Variants in MAD1L1 observed in about 807,000 individuals in gnomAD.
MAD1L1 encodes the protein mitotic spindle assembly checkpoint protein MAD1.
MAD1L1 carries 95 observed loss-of-function variants against 96.9 expected under a neutral mutation model. That is an observed-to-expected ratio of 0.98 (90% CI 0.83 to 1.16). MAD1L1 has a LOEUF of 1.16. Ranked by LOEUF, MAD1L1 falls within the 50% of genes most tolerant of loss-of-function variation. MAD1L1 has a pLI of 0.00. For missense variants in MAD1L1, 1,007 were observed against 954.4 expected (o/e 1.06, Z -0.73); for synonymous variants, 473 against 396.6 (o/e 1.19, Z -2.29).
chr7:2,083,307 G>A lies in MAD1L1; in HGVS notation c.1074-13969C>T, dbSNP rs78322106. 3.1e-3 allele frequency among the ~76,000 whole-genome samples: 472 copies of A among 152,136 alleles called. 1 individual carries two copies. Among genetic ancestry groups the A allele is most frequent in the Middle Eastern group, 6.8e-3 (2 of 294 alleles). On this transcript the variant is annotated intron_variant, in intron 11 of 18. Coordinates refer to ENST00000265854, the MANE Select transcript of MAD1L1 (RefSeq NM_001013836.2). ...GAACCTCGCTTCCTCCGTGCCGGGCGGGGGGCTTGGAGGGCTGACACTTGA... is the reference window on the plus strand; with the variant it reads ...GAACCTCGCTTCCTCCGTGCCGGGCAGGGGGCTTGGAGGGCTGACACTTGA...
intron 10 of MAD1L1, among the ~76,000 whole-genome samples, chr7:2,194,118 G>C (rs115741490): frequency 5.3e-5 from 8 of 151,514 alleles, no homozygotes; most frequent in Admixed American, 2.0e-4. Context: ...TAATTTTTTT[G>C]TGTGTGTGTG....
chr7:2,101,354 G>C (rs1302201021), intron 11 of MAD1L1, among the ~76,000 whole-genome samples: 5 of 105,632 alleles, frequency 4.7e-5, no homozygotes, highest in Non-Finnish European at 4.0e-5. Flanking sequence ...TCTCCATCCA[G>C]GTGGGTGGCA....
At position 1,929,143 on chromosome 7, in the gene MAD1L1, C is replaced by T. The variant is rs115150840; in HGVS notation, c.1807+7544G>A. On this transcript the variant is annotated intron_variant, in intron 17 of 18. Transcript: ENST00000265854. ...GAGCAACTCTGTGGCCAACCATCTT[C>T]CCCTCCCTCCTCCCCTCCCGGGCCT... Among the ~76,000 whole-genome samples, 1,086 of 152,156 alleles carry T rather than the reference C, an allele frequency of 7.1e-3. 13 individuals are homozygous for T. The highest frequency in any genetic ancestry group is 0.025 in the African/African-American group (1,042 of 41,494).
chr7:2,222,775 A>G (rs1793679173), intron 4 of MAD1L1, 21 bp from the exon 5 acceptor site: 1 of 1,563,220 alleles, frequency 6.4e-7, no homozygotes, highest in African/African-American at 1.4e-5. Flanking sequence ...AGCAAGAGTC[A>G]GATGCCACGT....
chr7:2,225,747 G>T (rs1414635278), intron 3 of MAD1L1, 197 bp from the exon 4 acceptor site: 7 of 611,400 alleles, frequency 1.1e-5, no homozygotes, highest in Non-Finnish European at 5.7e-6. Flanking sequence ...AAAAGCCTGG[G>T]AAGAGGAAGA....
chr7:1,972,299 T>C, intron 15 of MAD1L1, among the ~76,000 whole-genome samples: 1 of 152,240 alleles, frequency 6.6e-6, no homozygotes. Flanking sequence ...ATTAACTGTT[T>C]GGTAGATTTC....
chr7:2,175,634 C>T (rs1427066764), intron 10 of MAD1L1, among the ~76,000 whole-genome samples: 1 of 151,988 alleles, frequency 6.6e-6, no homozygotes, highest in Non-Finnish European at 1.5e-5. Context: ...TGGCAACATA[C>T]TTTTCTATTT....
intron 18 of MAD1L1, among the ~76,000 whole-genome samples, chr7:1,818,392 AT>A (rs952751109): frequency 6.6e-6 from 1 of 151,060 alleles, no homozygotes; most frequent in Non-Finnish European, 1.5e-5. Flanking sequence ...TTCTAAAAAT[AT>A]TTTTTTTTAG....
intron 11 of MAD1L1, among the ~76,000 whole-genome samples, chr7:2,105,771 G>A (rs35876604): frequency 0.19 from 28,973 of 151,862 alleles, 3,039 homozygotes; most frequent in Middle Eastern, 0.34. Context: ...CACGTGAGAC[G>A]CCCAGCCAAA....
At chr7:2,212,916 T>C (rs893020262) in intron 10 of MAD1L1, among the ~76,000 whole-genome samples, 5 of 151,898 alleles carry the variant, frequency 3.3e-5, no homozygotes, top group Non-Finnish European at 7.4e-5. Flanking sequence ...CCAAAAAGAG[T>C]CCTTTCACAA....
chr7:2,076,094 G>A (rs914357497), intron 11 of MAD1L1, among the ~76,000 whole-genome samples: 8 of 152,224 alleles, frequency 5.3e-5, no homozygotes, highest in South Asian at 2.1e-4. Context: ...GGTATGAGGC[G>A]GCTGTTCCCG....
At chr7:1,975,427 A>T (rs1245639380) in intron 15 of MAD1L1, among the ~76,000 whole-genome samples, 1 of 152,176 alleles carries the variant, frequency 6.6e-6, no homozygotes, top group Non-Finnish European at 1.5e-5. Flanking sequence ...AACAGGACAG[A>T]ACCAGGGAAA....
chr7:2,088,255 C>T lies in MAD1L1; in HGVS notation c.1074-18917G>A, dbSNP rs1294641742. On this transcript the variant is annotated intron_variant, in intron 11 of 18. Transcript: ENST00000265854. This position sits in a 1 kb window ranked among gnomAD's most constrained non-coding sequence, Gnocchi z 4.4. Reference sequence around the variant, plus strand: ...CCTCACACCCCTGCCTGAAACCTGCCGACGGGCCTGTTGCCGCTGGAACAC... The same window carrying T: ...CCTCACACCCCTGCCTGAAACCTGCTGACGGGCCTGTTGCCGCTGGAACAC... 4.6e-5 allele frequency among the ~76,000 whole-genome samples: 7 copies of T among 152,318 alleles called. No homozygotes were observed. The highest frequency in any genetic ancestry group is 7.3e-5 in the Non-Finnish European group (5 of 68,034).
intron 14 of MAD1L1, among the ~76,000 whole-genome samples, chr7:1,994,830 G>A (rs1237057840): frequency 6.6e-6 from 1 of 152,228 alleles, no homozygotes; most frequent in Non-Finnish European, 1.5e-5. Flanking sequence ...ACAAATGTCT[G>A]CAAGGGTTTT....
At chr7:2,084,457 C>A (rs368445336) in intron 11 of MAD1L1, among the ~76,000 whole-genome samples, 1 of 152,238 alleles carries the variant, frequency 6.6e-6, no homozygotes, top group African/African-American at 2.4e-5. Flanking sequence ...CCTGCGCCCA[C>A]GCAGACGTGC....
intron 10 of MAD1L1, among the ~76,000 whole-genome samples, chr7:2,212,039 G>A (rs756317359): frequency 6.6e-6 from 1 of 152,228 alleles, no homozygotes; most frequent in Non-Finnish European, 1.5e-5. Context: ...CTCGAGACCT[G>A]GCGCACACAG....
intron 18 of MAD1L1, among the ~76,000 whole-genome samples, chr7:1,856,003 C>T (rs1784231021): frequency 2.0e-5 from 3 of 152,180 alleles, no homozygotes; most frequent in South Asian, 4.1e-4. Context: ...GAGGCACTTC[C>T]TCGCGGTGCG....
intron 14 of MAD1L1, among the ~76,000 whole-genome samples, chr7:1,992,577 C>A (rs949816114): frequency 3.3e-5 from 5 of 152,216 alleles, no homozygotes; most frequent in African/African-American, 1.2e-4. Flanking sequence ...GAAAGGGCCT[C>A]CCTCCCTCCT....
rs1291387077 is a variant in MAD1L1, at chr7:1,825,638, C to T, written c.1999-9410G>A. On this transcript the variant is annotated intron_variant, in intron 18 of 18. Coordinates refer to ENST00000265854, the MANE Select transcript of MAD1L1 (RefSeq NM_001013836.2). ...CGGGTCTTTGCGGTGCCCGTCTGAGCGCCTGTGAACAGTGCTGGGCAGTCT... is the reference window on the plus strand; with the variant it reads ...CGGGTCTTTGCGGTGCCCGTCTGAGTGCCTGTGAACAGTGCTGGGCAGTCT... Among the ~76,000 whole-genome samples the T allele has an allele frequency of 5.3e-5, 8 of 152,362 alleles. No homozygotes were observed. In the East Asian group the frequency reaches 9.6e-4, roughly 18 times the overall value.
Sources: gnomAD v4.1 joint callset for allele counts (sites outside exome capture counted in the v4.1 genomes callset) on GRCh38, gnomAD v4.1.1 for gene constraint, Gnocchi (gnomAD v3.1) non-coding constraint, MANE v1.5 for transcripts, NCBI Gene and HGNC (gene_info 2026-07-23, HGNC 2026-07-21) for gene names.